Variants in TMED5 observed in about 807,000 individuals in gnomAD.
TMED5 encodes the protein transmembrane emp24 domain-containing protein 5.
Under a neutral mutation model 23.0 loss-of-function variants are expected in TMED5, and 27 were observed. The ratio of observed to expected loss-of-function variants is 1.17; its 90% confidence interval spans 0.86 to 1.62. The LOEUF is 1.62. Among genes scored for constraint, TMED5 ranks in the 40% most tolerant of loss-of-function variants. The pLI, the probability that TMED5 is intolerant of heterozygous loss-of-function variation, is 0.00. For synonymous variants in TMED5, 97 were observed against 100.8 expected, an observed-to-expected ratio of 0.96 and a Z score of 0.23; for missense variants, 248 against 273.7, an observed-to-expected ratio of 0.91 and a Z score of 0.66.
chr1:93,164,053 T>C (rs1182308789), intron 1 of TMED5, among the ~76,000 whole-genome samples: 1 of 150,724 alleles, frequency 6.6e-6, no homozygotes, highest in Non-Finnish European at 1.5e-5. Context: ...ATGGGGATAA[T>C]AGTAAAACTG....
chr1:93,156,844 A>G (rs905333726), intron 2 of TMED5, among the ~76,000 whole-genome samples: 2 of 151,640 alleles, frequency 1.3e-5, no homozygotes, highest in Non-Finnish European at 2.9e-5. Flanking sequence ...CAACAAAACA[A>G]AAAACAAATA....
chr1:93,166,655 G>GGTTA, intron 1 of TMED5, among the ~76,000 whole-genome samples: 1 of 152,076 alleles, frequency 6.6e-6, no homozygotes, highest in Admixed American at 6.6e-5. Flanking sequence ...TATATATTCT[G>GGTTA]GTTATTTATC....
intron 1 of TMED5, among the ~76,000 whole-genome samples, chr1:93,168,057 T>C (rs1314507345): frequency 6.6e-6 from 1 of 152,222 alleles, no homozygotes; most frequent in Non-Finnish European, 1.5e-5. Context: ...TATCATATCA[T>C]TCTACTGATT....
At chr1:93,165,063 G>A (rs1300353937) in intron 1 of TMED5, among the ~76,000 whole-genome samples, 1 of 152,198 alleles carries the variant, frequency 6.6e-6, no homozygotes, top group Non-Finnish European at 1.5e-5. Flanking sequence ...AGAAGCCTAA[G>A]TCCAACAACT....
At position 93,154,477 on chromosome 1, in the gene TMED5, C is replaced by G. The variant is rs1305636967; in HGVS notation, c.*193G>C. The G allele has an allele frequency of 1.7e-6, 1 of 577,762 alleles. No homozygotes were observed. 35.8% of individuals were successfully genotyped at this position (577,762 alleles called of 1,614,324 possible). A position where few individuals can be genotyped will look rare whatever the true frequency, so the allele number is the denominator to read the frequency against. ...TATTCTGCAAAATATTCCTGTTACA[C>G]ACTTAAGTACAACTGGATCAGCAGG... is the stretch of plus-strand genomic sequence containing the variant. On this transcript the variant is annotated 3_prime_UTR_variant, in exon 4 of 4. Coordinates refer to ENST00000370282, the MANE Select transcript of TMED5 (RefSeq NM_016040.5).
chr1:93,156,292 A>G lies in TMED5; in HGVS notation c.471+8T>C. 3.1e-6 allele frequency: 5 copies of G among 1,610,634 alleles called. No individual in the cohort carries two copies. Among genetic ancestry groups the G allele is most frequent in the Non-Finnish European group, 4.2e-6 (5 of 1,177,030 alleles). The stretch of plus-strand genomic sequence containing the variant: ...ATAATTTTTATTTTATTAGAAGACC[A>G]TACTGACCAGGATGTCTTCCAGTTT... On this transcript the variant is annotated splice_region_variant and intron_variant, in intron 3 of 3. Coordinates refer to ENST00000370282, the MANE Select transcript of TMED5 (RefSeq NM_016040.5).
rs1165886610 is a variant in TMED5, at chr1:93,153,441, T to A, written c.*1229A>T. ...AAACCTTACAGTAGGGCTTACATTT[T>A]ATAAAATGTACCTGCTTACAAAAAT... On this transcript the variant is annotated 3_prime_UTR_variant, in exon 4 of 4. Coordinates refer to ENST00000370282, the MANE Select transcript of TMED5 (RefSeq NM_016040.5). 6.6e-6 allele frequency: 1 copy of A among 152,166 alleles called. No individual in the cohort carries two copies. Among genetic ancestry groups the A allele is most frequent in the Non-Finnish European group, 1.5e-5 (1 of 67,988 alleles). 9.4% of individuals were successfully genotyped at this position (152,166 alleles called of 1,614,324 possible).
chr1:93,165,804 T>C (rs1331853281), intron 1 of TMED5, among the ~76,000 whole-genome samples: 1 of 152,236 alleles, frequency 6.6e-6, no homozygotes, highest in Non-Finnish European at 1.5e-5. Flanking sequence ...AATTAAGTTA[T>C]GATTGACTAT....
intron 1 of TMED5, chr1:93,162,706 G>A (rs138438399): frequency 6.6e-6 from 1 of 152,134 alleles, no homozygotes; most frequent in Non-Finnish European, 1.5e-5. Flanking sequence ...AATGAAAAAA[G>A]ACCATAAAAT....
chr1:93,178,784 TA>T (rs1310188655), intron 1 of TMED5, among the ~76,000 whole-genome samples: 1 of 152,226 alleles, frequency 6.6e-6, no homozygotes, highest in Non-Finnish European at 1.5e-5. Context: ...TTCCATCGTA[TA>T]AAAAATTCTA....
At chr1:93,168,320 T>G (rs1244138683) in intron 1 of TMED5, among the ~76,000 whole-genome samples, 2 of 152,228 alleles carry the variant, frequency 1.3e-5, no homozygotes, top group Non-Finnish European at 1.5e-5. Flanking sequence ...GTGAATGGTC[T>G]AAATATGCCA....
chr1:93,179,844 C>G (rs1649213747), intron 1 of TMED5: 1 of 531,962 alleles, frequency 1.9e-6, no homozygotes, highest in African/African-American at 2.0e-5. Context: ...GGGTAGTCAT[C>G]AATTCCAGGT....
chr1:93,175,175 T>TTACATATATATA (rs1648864833), intron 1 of TMED5, among the ~76,000 whole-genome samples: 1 of 119,872 alleles, frequency 8.3e-6, no homozygotes, highest in Non-Finnish European at 1.6e-5. Flanking sequence ...TAAAAGCCAT[T>TTACATATATATA]TATATATATA....
At chr1:93,166,924 T>C (rs1648528496) in intron 1 of TMED5, among the ~76,000 whole-genome samples, 1 of 152,224 alleles carries the variant, frequency 6.6e-6, no homozygotes, top group African/African-American at 2.4e-5. Flanking sequence ...TAATCCATTT[T>C]AATTTGATTT....
chr1:93,169,575 A>G (rs1415139545), intron 1 of TMED5, among the ~76,000 whole-genome samples: 2 of 136,782 alleles, frequency 1.5e-5, no homozygotes, highest in Non-Finnish European at 3.1e-5. Context: ...AAGAAAATTG[A>G]TAACAAGAAA....
At chr1:93,168,133 A>C (rs181105803) in intron 1 of TMED5, among the ~76,000 whole-genome samples, 3 of 152,322 alleles carry the variant, frequency 2.0e-5, no homozygotes, top group Admixed American at 2.0e-4. Context: ...CAAAACTTTT[A>C]AAAAATAAGT....
rs1184865775 is a variant in TMED5, at chr1:93,154,436, C to T, written c.*234G>A. On this transcript the variant is annotated 3_prime_UTR_variant, in exon 4 of 4. Transcript: ENST00000370282. ...GAAAATGCAGTTATTAATATGGCTT[C>T]ATTCAGTTAAACCTATATTCTGCAA... is the stretch of plus-strand genomic sequence containing the variant. 46 of 502,830 alleles carry T rather than the reference C, an allele frequency of 9.1e-5. No individual in the cohort carries two copies. The South Asian group carries it at 1.2e-3, about 13-fold the overall frequency. 31.1% of individuals were successfully genotyped at this position (502,830 alleles called of 1,614,324 possible). A position where few individuals can be genotyped will look rare whatever the true frequency, so the allele number is the denominator to read the frequency against.
rs1298149638 is a variant in TMED5 at position 93,180,281 on chromosome 1, T to C, written c.-39A>G. ...ATCCCGGGCTGAAAGAGGCGTCAGG[T>C]ACTGTTGTCTCCGCTCCGCGTTTCC... is the stretch of plus-strand genomic sequence containing the variant. On this transcript the variant is annotated 5_prime_UTR_variant, in exon 1 of 4. Transcript: ENST00000370282. The C allele has an allele frequency of 6.4e-7, 1 of 1,566,644 alleles. No homozygotes were observed. Among genetic ancestry groups the C allele is most frequent in the Non-Finnish European group, 8.6e-7 (1 of 1,161,022 alleles).
At chr1:93,167,620 C>T (rs934218047) in intron 1 of TMED5, among the ~76,000 whole-genome samples, 2 of 152,160 alleles carry the variant, frequency 1.3e-5, no homozygotes, top group Non-Finnish European at 2.9e-5. Flanking sequence ...TGCAACTTCA[C>T]TATATTTGTT....
Sources: gnomAD v4.1 joint callset for allele counts (sites outside exome capture counted in the v4.1 genomes callset) on GRCh38, gnomAD v4.1.1 for gene constraint, MANE v1.5 for transcripts, NCBI Gene and HGNC (gene_info 2026-07-23, HGNC 2026-07-21) for gene names.